The following MAP2K4 variants were observed in gnomAD, a reference collection of about 807,000 sequenced individuals.
MAP2K4 encodes the protein dual specificity mitogen-activated protein kinase kinase 4.
A neutral mutation model predicts 48.5 loss-of-function variants in MAP2K4; 4 were observed. The ratio of observed to expected loss-of-function variants is 0.08; its 90% CI spans 0.04 to 0.19. The LOEUF is 0.19. Among genes scored for constraint, MAP2K4 ranks in the 10% least tolerant of loss-of-function variants. MAP2K4 has a pLI of 1.00. For missense variants in MAP2K4, 258 were observed against 493.3 expected (o/e 0.52, Z 4.52); for synonymous variants, 166 against 173.1 (o/e 0.96, Z 0.32).
chr17:12,114,407 TG>T, intron 7 of MAP2K4, among the ~76,000 whole-genome samples: 1 of 135,456 alleles, frequency 7.4e-6, no homozygotes, highest in South Asian at 2.3e-4. Context: ...TGTGTGTGTG[TG>T]TGTGTGTGTA....
rs28921085 is a variant in MAP2K4, at chr17:12,133,362, G to A, written c.1040+4075G>A. 6.3e-3 allele frequency among the ~76,000 whole-genome samples: 957 copies of A among 152,280 alleles called. 2 individuals are homozygous for A. Among genetic ancestry groups the A allele is most frequent in the East Asian group, 0.037 (190 of 5,184 alleles). On this transcript the variant is annotated intron_variant, in intron 9 of 10. Coordinates refer to ENST00000353533, the MANE Select transcript of MAP2K4 (RefSeq NM_003010.4). ...CTCCCAGAGTGCTGGGATTACAGGC[G>A]TGAGCCACTGCGCCAGGCTGGGAAG... is the stretch of plus-strand genomic sequence containing the variant.
Position 12,081,893 on chromosome 17 carries a change from A to T in MAP2K4, c.393+363A>T, listed in dbSNP as rs1280418874. On this transcript the variant is annotated intron_variant, in intron 3 of 10. Transcript: ENST00000353533. The surrounding 1 kb of genome is among the most constrained non-coding windows in gnomAD (Gnocchi z 4.2). ...CGGGAGCTGGAAGAAGACGCAGCAC[A>T]CTGGGTTGGGCAAGGTGCGGGGCTA... 1.8e-6 allele frequency: 1 copy of T among 540,578 alleles called. No individual in the cohort carries two copies. The highest frequency in any genetic ancestry group is 1.4e-5 in the South Asian group (1 of 70,846). The allele number at this position is 540,578 out of a possible 1,614,324, so 33.5% of individuals were successfully genotyped here.
chr17:12,079,974 G>T (rs957996864), intron 2 of MAP2K4, among the ~76,000 whole-genome samples: 1 of 152,196 alleles, frequency 6.6e-6, no homozygotes, highest in African/African-American at 2.4e-5. Flanking sequence ...ACTTTGAACT[G>T]AAAAGCACTT....
chr17:12,050,421 T>G (rs1970103191), intron 1 of MAP2K4, among the ~76,000 whole-genome samples: 4 of 152,186 alleles, frequency 2.6e-5, no homozygotes, highest in Admixed American at 2.6e-4. Context: ...GAGAGGATGG[T>G]AAGGTGAGCC....
At chr17:12,038,880 C>A (rs1254107349) in intron 1 of MAP2K4, among the ~76,000 whole-genome samples, 2 of 152,108 alleles carry the variant, frequency 1.3e-5, no homozygotes, top group Non-Finnish European at 2.9e-5. Context: ...TTTACTAATT[C>A]TTGAAAGCAG....
chr17:12,050,024 A>G (rs1970084582), intron 1 of MAP2K4, among the ~76,000 whole-genome samples: 1 of 152,252 alleles, frequency 6.6e-6, no homozygotes, highest in Non-Finnish European at 1.5e-5. Context: ...AACAAGGGCT[A>G]TCAAATATGG....
intron 3 of MAP2K4, among the ~76,000 whole-genome samples, chr17:12,092,797 C>T (rs1333274195): frequency 6.6e-6 from 1 of 152,176 alleles, no homozygotes; most frequent in Non-Finnish European, 1.5e-5. Flanking sequence ...GAGGCCGAGG[C>T]AGGCGGATCA....
intron 7 of MAP2K4, among the ~76,000 whole-genome samples, chr17:12,114,307 A>T (rs1019699133): frequency 1.3e-5 from 2 of 152,128 alleles, no homozygotes; most frequent in African/African-American, 4.8e-5. Flanking sequence ...TACAAATTCA[A>T]CTTACTGCAT....
chr17:12,036,895 C>T (rs901636862), intron 1 of MAP2K4, among the ~76,000 whole-genome samples: 4 of 126,952 alleles, frequency 3.2e-5, no homozygotes, highest in African/African-American at 5.3e-5. Flanking sequence ...TATCCTCCCC[C>T]CCGCCACCTT....
chr17:12,133,001 T>G (rs1397202370), intron 9 of MAP2K4, among the ~76,000 whole-genome samples: 2 of 152,204 alleles, frequency 1.3e-5, no homozygotes, highest in Non-Finnish European at 2.9e-5. Context: ...CTTACAAAGT[T>G]TTTTTGGGGA....
At chr17:12,076,277 T>TTGTG (rs1555546479) in intron 2 of MAP2K4, among the ~76,000 whole-genome samples, 1 of 90,474 alleles carries the variant, frequency 1.1e-5, no homozygotes, top group Non-Finnish European at 2.5e-5. Flanking sequence ...TATGTCACAG[T>TTGTG]TCTGTGTGTG....
chr17:12,097,997 T>C (rs1206138735), intron 4 of MAP2K4, among the ~76,000 whole-genome samples: 1 of 152,218 alleles, frequency 6.6e-6, no homozygotes, highest in African/African-American at 2.4e-5. Context: ...TAATAGGTAC[T>C]TTCTGAATAA....
At chr17:12,058,326 G>T (rs765720881) in intron 2 of MAP2K4, among the ~76,000 whole-genome samples, 3 of 150,996 alleles carry the variant, frequency 2.0e-5, no homozygotes, top group Non-Finnish European at 2.9e-5. Flanking sequence ...CAGCCTCCCA[G>T]AGTGCTGGGA....
intron 9 of MAP2K4, among the ~76,000 whole-genome samples, chr17:12,131,510 G>A (rs995425643): frequency 2.6e-5 from 4 of 151,886 alleles, no homozygotes; most frequent in East Asian, 1.9e-4. Context: ...CTCCCAGAGC[G>A]CTGGGATTAC....
intron 4 of MAP2K4, among the ~76,000 whole-genome samples, chr17:12,102,544 G>A (rs1358840035): frequency 2.0e-5 from 3 of 152,056 alleles, no homozygotes; most frequent in Non-Finnish European, 4.4e-5. Context: ...CATAGGATGA[G>A]TTGGGAAGTA....
intron 4 of MAP2K4, among the ~76,000 whole-genome samples, chr17:12,102,657 A>C (rs551810432): frequency 6.6e-6 from 1 of 152,222 alleles, no homozygotes; most frequent in South Asian, 2.1e-4. Context: ...GAACTTGGCA[A>C]TTTCTTTGTG....
At chr17:12,070,591 T>G (rs1970770447) in intron 2 of MAP2K4, among the ~76,000 whole-genome samples, 1 of 152,170 alleles carries the variant, frequency 6.6e-6, no homozygotes. Context: ...AAAATATGAT[T>G]TAGATTATTT....
intron 3 of MAP2K4, among the ~76,000 whole-genome samples, chr17:12,089,157 C>G (rs1971482203): frequency 6.6e-6 from 1 of 152,146 alleles, no homozygotes; most frequent in Non-Finnish European, 1.5e-5. Flanking sequence ...CCTGATCCAC[C>G]TGCCTCGGCC....
intron 1 of MAP2K4, among the ~76,000 whole-genome samples, chr17:12,024,587 T>G (rs1250541394): frequency 6.6e-6 from 1 of 152,212 alleles, no homozygotes; most frequent in African/African-American, 2.4e-5. Context: ...AGTGGTTTTA[T>G]GAAAGTATAT....
Sources: gnomAD v4.1 joint callset for allele counts (sites outside exome capture counted in the v4.1 genomes callset) on GRCh38, gnomAD v4.1.1 for gene constraint, Gnocchi (gnomAD v3.1) non-coding constraint, MANE v1.5 for transcripts, NCBI Gene and HGNC (gene_info 2026-07-23, HGNC 2026-07-21) for gene names.